The following DCAF6 variants were observed in gnomAD, a reference collection of about 807,000 sequenced individuals.
DCAF6 encodes the protein DDB1 and CUL4 associated factor 6, also known as DDB1- and CUL4-associated factor 6.
In DCAF6, 54 loss-of-function variants were observed where a neutral mutation model predicts 125.1. The observed-to-expected ratio is 0.43, with a 90% CI of 0.35 to 0.54. The LOEUF (loss-of-function observed/expected upper bound fraction) is 0.54, where lower values mean the gene tolerates loss of function less well. DCAF6 is among the 20% of genes least tolerant of loss of function. The pLI, the probability that DCAF6 is intolerant of heterozygous loss-of-function variation, is 0.01. For synonymous variants in DCAF6, 371 were observed against 390.4 expected, an observed-to-expected ratio of 0.95 and a Z score of 0.58; for missense variants, 934 against 1,161.7, an observed-to-expected ratio of 0.80 and a Z score of 2.85.
chr1:167,905,111 G>T, the DCAF6 span: 1 of 1,614,096 alleles, frequency 6.2e-7, no homozygotes, highest in African/African-American at 1.3e-5. Context: ...CTATGGGCCA[G>T]TCCTGGAATT....
the DCAF6 span, chr1:167,880,465 T>G: frequency 3.2e-6 from 5 of 1,542,698 alleles, no homozygotes; most frequent in Non-Finnish European, 4.5e-6. Flanking sequence ...CAGGGACCGC[T>G]GGGTGGGACC....
intron 11 of DCAF6, among the ~76,000 whole-genome samples, chr1:168,016,404 T>C (rs1337915378): frequency 6.6e-6 from 1 of 152,216 alleles, no homozygotes; most frequent in Non-Finnish European, 1.5e-5. Context: ...TAGTATTATT[T>C]GGCCATACTA....
the DCAF6 span, among the ~76,000 whole-genome samples, chr1:167,894,645 T>C: frequency 6.6e-6 from 1 of 152,098 alleles, no homozygotes; most frequent in Non-Finnish European, 1.5e-5. Flanking sequence ...GTGTTTAATT[T>C]GGCTGGTCCT....
intron 10 of DCAF6, among the ~76,000 whole-genome samples, chr1:168,015,002 T>C (rs1156877683): frequency 1.3e-5 from 2 of 152,226 alleles, no homozygotes; most frequent in African/African-American, 2.4e-5. Context: ...TTCAACATCA[T>C]GTGTGCCTGT....
At chr1:168,025,911 C>T (rs1312082858) in intron 12 of DCAF6, among the ~76,000 whole-genome samples, 2 of 152,156 alleles carry the variant, frequency 1.3e-5, no homozygotes, top group Non-Finnish European at 2.9e-5. Context: ...TCTCTAATCT[C>T]GTCTCAGGCC....
chr1:167,971,665 C>T (rs1377249658), intron 3 of DCAF6, among the ~76,000 whole-genome samples: 1 of 152,144 alleles, frequency 6.6e-6, no homozygotes, highest in Non-Finnish European at 1.5e-5. Flanking sequence ...GATGTTACAA[C>T]TAGACCACCT....
At chr1:167,877,000 G>C in the DCAF6 span, among the ~76,000 whole-genome samples, 3 of 152,046 alleles carry the variant, frequency 2.0e-5, no homozygotes, top group Non-Finnish European at 2.9e-5. Flanking sequence ...CCCCAGGCAC[G>C]TGAATAAGCC....
At chr1:167,971,983 G>A (rs1677391311) in intron 3 of DCAF6, among the ~76,000 whole-genome samples, 1 of 152,090 alleles carries the variant, frequency 6.6e-6, no homozygotes, top group African/African-American at 2.4e-5. Flanking sequence ...AGCCTCCCGA[G>A]TAGCTGGGAC....
the DCAF6 span, among the ~76,000 whole-genome samples, chr1:167,909,218 T>G: frequency 1.8e-4 from 27 of 152,338 alleles, no homozygotes; most frequent in Non-Finnish European, 3.1e-4. Context: ...TAATTGTTCA[T>G]TTTCAATGCT....
chr1:167,962,813 C>T (rs1387151487), intron 2 of DCAF6, among the ~76,000 whole-genome samples: 7 of 151,618 alleles, frequency 4.6e-5, no homozygotes, highest in Non-Finnish European at 7.4e-5. Flanking sequence ...AAATTAGCCA[C>T]GCATGGTGGC....
intron 1 of DCAF6, among the ~76,000 whole-genome samples, chr1:167,941,482 A>G (rs927685807): frequency 5.3e-5 from 8 of 152,208 alleles, no homozygotes; most frequent in Admixed American, 3.9e-4. Flanking sequence ...ATAAAAGTAC[A>G]TTTATGTGGC....
intron 17 of DCAF6, 24 bp from the exon 18 acceptor site, chr1:168,063,597 T>C (rs1242596504): frequency 6.9e-7 from 1 of 1,444,864 alleles, no homozygotes; most frequent in Non-Finnish European, 9.1e-7. Flanking sequence ...TTATTTTTGT[T>C]TTTTTAATAT....
the DCAF6 span, chr1:167,878,552 C>T: frequency 1.2e-6 from 2 of 1,614,162 alleles, no homozygotes. Context: ...AGGTTGCTCC[C>T]ATTGTAGGTG....
chr1:167,930,197 T>C, the DCAF6 span, among the ~76,000 whole-genome samples: 1 of 152,152 alleles, frequency 6.6e-6, no homozygotes, highest in African/African-American at 2.4e-5. Context: ...ACATCATGGG[T>C]AGATAATGTT....
intron 1 of DCAF6, among the ~76,000 whole-genome samples, 177 bp from the exon 2 acceptor site, chr1:167,951,623 G>A (rs1319311979): frequency 6.6e-6 from 1 of 152,082 alleles, no homozygotes; most frequent in Non-Finnish European, 1.5e-5. Flanking sequence ...ATTCTAATGA[G>A]GAAACTAAGT....
the DCAF6 span, among the ~76,000 whole-genome samples, chr1:167,879,959 A>T: frequency 6.6e-6 from 1 of 152,192 alleles, no homozygotes; most frequent in African/African-American, 2.4e-5. Context: ...CTCTGCAAGC[A>T]TTGAGGGCTC....
chr1:168,029,290 G>A (rs904113639), intron 12 of DCAF6, among the ~76,000 whole-genome samples: 6 of 152,268 alleles, frequency 3.9e-5, no homozygotes, highest in Admixed American at 2.6e-4. Context: ...TAACAATGAG[G>A]TGAATTATCT....
intron 2 of DCAF6, among the ~76,000 whole-genome samples, chr1:167,958,880 C>T (rs1027447945): frequency 2.0e-5 from 3 of 152,204 alleles, no homozygotes; most frequent in African/African-American, 7.2e-5. Flanking sequence ...TACATTAATA[C>T]ATCATAATCC....
chr1:168,059,234 A>G (rs1429377034), intron 17 of DCAF6, among the ~76,000 whole-genome samples: 1 of 152,158 alleles, frequency 6.6e-6, no homozygotes, highest in African/African-American at 2.4e-5. Context: ...TCCCTGCCCC[A>G]TTTAGATAGC....
Sources: gnomAD v4.1 joint callset for allele counts (sites outside exome capture counted in the v4.1 genomes callset) on GRCh38, gnomAD v4.1.1 for gene constraint, MANE v1.5 for transcripts, NCBI Gene and HGNC (gene_info 2026-07-23, HGNC 2026-07-21) for gene names.